Variants in ZNF687 observed in about 807,000 individuals in gnomAD.
ZNF687 encodes the protein zinc finger protein 687.
A neutral mutation model predicts 71.8 loss-of-function variants in ZNF687; 13 were observed. The observed-to-expected ratio is 0.18, with a 90% confidence interval of 0.12 to 0.29. The LOEUF is 0.29. Ranked by LOEUF, ZNF687 falls within the 10% of genes least tolerant of loss-of-function variation. The pLI is 1.00. For missense variants in ZNF687, 1,412 were observed against 1,625.6 expected, an observed-to-expected ratio of 0.87 and a Z score of 2.26; for synonymous variants, 673 against 641.6, an observed-to-expected ratio of 1.05 and a Z score of -0.74.
Position 151,287,049 on chromosome 1 carries a change from C to T in ZNF687, c.758C>T (p.Ser253Leu), listed in dbSNP as rs745647931. Reference protein sequence around the residue: ...PKATDIPASASPPPVAGVPFF... With the variant: ...PKATDIPASALPPPVAGVPFF... ...GCCACGGACATCCCTGCCAGTGCCTCGCCTCCCCCAGTTGCTGGGGTGCCC... is the reference window on the plus strand; with the variant it reads ...GCCACGGACATCCCTGCCAGTGCCTTGCCTCCCCCAGTTGCTGGGGTGCCC... Residue 253 changes from serine (S) to leucine (L), a missense_variant, in exon 2 of 9, where the codon TCG becomes TTG. Coordinates refer to ENST00000336715, the MANE Select transcript of ZNF687 (RefSeq NM_020832.3). This position sits in a 1 kb window ranked among gnomAD's most constrained non-coding sequence, Gnocchi z 5.0. 2.8e-5 allele frequency: 45 copies of T among 1,609,568 alleles called. No individual in the cohort carries two copies. Among genetic ancestry groups the T allele is most frequent in the South Asian group, 2.5e-4 (23 of 90,740 alleles).
rs1256906045 is a variant in ZNF687 at position 151,288,095 on chromosome 1, G to C, written c.1804G>C (p.Val602Leu). The change falls in exon 2 of 9, where the codon GTA becomes CTA. Residue 602 changes from valine to leucine, a missense_variant. Physicochemically the swap from Val to Leu is conservative, Grantham distance 32. Transcript: ENST00000336715. The stretch of plus-strand genomic sequence containing the variant: ...GTGCTCACATTTGGTCATGAGGCCT[G>C]TAGCCCTTGACCAGATGGTGGGGCA... ...MQCSHLVMRP[V>L]ALDQMVGQPD... 4 of 1,613,898 alleles carry C rather than the reference G, an allele frequency of 2.5e-6. No individual in the cohort carries two copies. Among genetic ancestry groups the C allele is most frequent in the African/African-American group, 2.7e-5 (2 of 74,940 alleles).
In ZNF687 at chr1:151,291,744, G is replaced by C. The variant is rs1244922337; in HGVS notation, c.*535G>C. 1 of 153,064 alleles carries C rather than the reference G, an allele frequency of 6.5e-6. No homozygotes were observed. 9.5% of individuals were successfully genotyped at this position (153,064 alleles called of 1,614,324 possible). A position where few individuals can be genotyped will look rare whatever the true frequency, so the allele number is the denominator to read the frequency against. ...TTTCCCCAGAAATCCGGGGCGGGGG[G>C]GTGGGGGGTTGGTAGGGATGAGTCC... On this transcript the variant is annotated 3_prime_UTR_variant, in exon 9 of 9. Transcript: ENST00000336715.
At position 151,282,363 on chromosome 1, in the gene ZNF687, G is replaced by A; in HGVS notation, c.-50G>A. 1 of 992,898 alleles carries A rather than the reference G, an allele frequency of 1.0e-6. No homozygotes were observed. The highest frequency in any genetic ancestry group is 5.9e-5 in the Admixed American group (1 of 17,044). The allele number at this position is 992,898 out of a possible 1,614,324, so 61.5% of individuals were successfully genotyped here. On this transcript the variant is annotated 5_prime_UTR_variant, in exon 1 of 9. Transcript: ENST00000336715. The stretch of plus-strand genomic sequence containing the variant: ...CAGCGGCTGGAGCGGGGTAGAGACC[G>A]CCGGGTCTCGGCCCGCACCAGGAGC...
In ZNF687 at chr1:151,291,450, T is replaced by C. The variant is rs202108686; in HGVS notation, c.*241T>C. ...TCCTCCTTTCTGAGCCCAACACTAA[T>C]TAATTTTATGCTCCTGCTGCAGAAC... is the stretch of plus-strand genomic sequence containing the variant. On this transcript the variant is annotated 3_prime_UTR_variant, in exon 9 of 9. Coordinates refer to ENST00000336715, the MANE Select transcript of ZNF687 (RefSeq NM_020832.3). 17 of 486,422 alleles carry C rather than the reference T, an allele frequency of 3.5e-5. No individual in the cohort carries two copies. The highest frequency in any genetic ancestry group is 3.3e-4 in the East Asian group (9 of 27,166). 30.1% of individuals were successfully genotyped at this position (486,422 alleles called of 1,614,324 possible).
In ZNF687 at chr1:151,284,125, A is replaced by G. The variant is rs954851426; in HGVS notation, c.-18+1730A>G. 5 of 985,192 alleles carry G rather than the reference A, an allele frequency of 5.1e-6. No individual in the cohort carries two copies. The African/African-American group carries it at 7.0e-5, about 14-fold the overall frequency. 61.0% of individuals were successfully genotyped at this position (985,192 alleles called of 1,614,324 possible). Reference sequence around the variant, plus strand: ...GAGGCTAGGTGAAACTTCCTGGGCTACTGTTGCCACAGGAAAATGGAAAGG... The same window carrying G: ...GAGGCTAGGTGAAACTTCCTGGGCTGCTGTTGCCACAGGAAAATGGAAAGG... On this transcript the variant is annotated intron_variant, in intron 1 of 8. Coordinates refer to ENST00000336715, the MANE Select transcript of ZNF687 (RefSeq NM_020832.3).
rs1440477352 is a variant in ZNF687, at chr1:151,288,182, C to T, written c.1891C>T (p.Pro631Ser). ...VPPVSGPLALPALGKGEGAIT... is the reference protein window; with the variant it reads ...VPPVSGPLALSALGKGEGAIT... ...ACCTGTCTCTGGACCTCTGGCCTTG[C>T]CTGCCTTGGGCAAGGGTGAGGGGGC... The change falls in exon 2 of 9, where the codon CCT becomes TCT. Residue 631 changes from proline to serine, a missense_variant. Transcript: ENST00000336715. 1.2e-6 allele frequency: 2 copies of T among 1,613,840 alleles called. No individual in the cohort carries two copies. The highest frequency in any genetic ancestry group is 8.5e-7 in the Non-Finnish European group (1 of 1,179,932).
chr1:151,290,899 A>G lies in ZNF687; in HGVS notation c.3404A>G (p.Gln1135Arg). ...MMGLRVEDGA[Q>R]QCLDCGLCFA... ...GGGTTGAGGGTGGAGGATGGTGCCC[A>G]GCAGTGCCTCGACTGTGGCTTGTGC... Residue 1135 changes from glutamine (Q) to arginine (R), a missense_variant, in exon 9 of 9, where the codon CAG becomes CGG. By Grantham distance (43) the Gln-to-Arg change is conservative. Around this residue, in one of 8 missense-constraint regions of ZNF687, gnomAD observed 284 missense variants for 359.2 expected, o/e 0.79. Transcript: ENST00000336715. 7 of 1,614,104 alleles carry G rather than the reference A, an allele frequency of 4.3e-6. No individual in the cohort carries two copies. Among genetic ancestry groups the G allele is most frequent in the Non-Finnish European group, 5.1e-6 (6 of 1,180,032 alleles).
Position 151,288,608 on chromosome 1 carries a change from C to G in ZNF687, c.2196C>G (p.Pro732=), listed in dbSNP as rs201573792. 45 of 1,614,040 alleles carry G rather than the reference C, an allele frequency of 2.8e-5. 1 individual carries two copies. Among genetic ancestry groups the G allele is most frequent in the Middle Eastern group, 3.3e-4 (2 of 6,084 alleles). The change falls in exon 3 of 9, where the codon CCC becomes CCG. Residue 732 remains proline (P), a synonymous_variant. Coordinates refer to ENST00000336715, the MANE Select transcript of ZNF687 (RefSeq NM_020832.3). Reference sequence around the variant, plus strand: ...AGCGCATGCATAAGAATCGACCCCCCCATGTCTGTCCTGAGTGTGGGGGCA... The same window carrying G: ...AGCGCATGCATAAGAATCGACCCCCGCATGTCTGTCCTGAGTGTGGGGGCA... ...AHQRMHKNRP[P]HVCPECGGNF...
At position 151,288,691 on chromosome 1, in the gene ZNF687, G is replaced by A. The variant is rs761369426; in HGVS notation, c.2279G>A (p.Arg760His). Residue 760 changes from arginine (R) to histidine (H), a missense_variant, in exon 3 of 9, where the codon CGC (arginine) becomes CAC (histidine). This residue lies in a region of ZNF687 where 207 missense variants were observed against 239.2 expected (regional missense o/e 0.87). Transcript: ENST00000336715. ...CGGGAGGCCTGTCTGCACGTCTCTC[G>A]CCGTGTAGGATACAGGTGCCTCGGA... ...HLREACLHVS[R>H]RVGYRCPSCS... 13 of 1,612,854 alleles carry A rather than the reference G, an allele frequency of 8.1e-6. No homozygotes were observed. Among genetic ancestry groups the A allele is most frequent in the South Asian group, 1.1e-5 (1 of 90,886 alleles).
rs371171135 is a variant in ZNF687, at chr1:151,287,765, C to T, written c.1474C>T (p.Arg492Trp). The change falls in exon 2 of 9, where the codon CGG (arginine) becomes TGG (tryptophan). Residue 492 changes from arginine (R) to tryptophan (W), a missense_variant. This residue lies in a region of ZNF687 where 133 missense variants were observed against 155.1 expected (regional missense o/e 0.86). Coordinates refer to ENST00000336715, the MANE Select transcript of ZNF687 (RefSeq NM_020832.3). The surrounding 1 kb of genome is among the most constrained non-coding windows in gnomAD (Gnocchi z 5.0). The stretch of plus-strand genomic sequence containing the variant: ...TACAGGGGGCGGCACAGTGATATCA[C>T]GGACCCAGTCCAGCCTGGTGGAGGC... ...PSTGGGTVISRTQSSLVEAFN... is the reference protein window; with the variant it reads ...PSTGGGTVISWTQSSLVEAFN... 1.9e-5 allele frequency: 30 copies of T among 1,613,996 alleles called. No homozygotes were observed. Among genetic ancestry groups the T allele is most frequent in the Non-Finnish European group, 2.3e-5 (27 of 1,180,030 alleles).
chr1:151,291,650 CCGCCCCCGCCCA>C lies in ZNF687; in HGVS notation c.*442_*453del, dbSNP rs1426206954. On this transcript the variant is annotated 3_prime_UTR_variant, in exon 9 of 9. Coordinates refer to ENST00000336715, the MANE Select transcript of ZNF687 (RefSeq NM_020832.3). ...CCTGCCCTAGTGCCCACCCCCGCCCCCGCCCCCGCCCAACCCCAACTCACTGGCACTCAAGCC... is the reference window on the plus strand; with the variant it reads ...CCTGCCCTAGTGCCCACCCCCGCCCCACCCCAACTCACTGGCACTCAAGCC... The C allele has an allele frequency of 2.5e-4, 39 of 154,866 alleles. No individual in the cohort carries two copies. Among genetic ancestry groups the C allele is most frequent in the Admixed American group, 2.1e-3 (33 of 15,678 alleles). The allele number at this position is 154,866 out of a possible 1,614,324, so 9.6% of individuals were successfully genotyped here.
intron 1 of ZNF687, chr1:151,284,040 G>C (rs587713383): frequency 3.0e-6 from 3 of 985,442 alleles, no homozygotes; most frequent in South Asian, 4.7e-5. Flanking sequence ...CTGCTTGTTG[G>C]ATTAGTGCCA....
In ZNF687 at chr1:151,287,984, C is replaced by A; in HGVS notation, c.1693C>A (p.His565Asn). ...RSMRIEVTCN[H>N]CARRLVFFNK... ...CATGCGCATCGAGGTCACCTGCAAC[C>A]ACTGCGCCCGCCGCCTGGTCTTCTT... The change falls in exon 2 of 9, where the codon CAC becomes AAC. Residue 565 changes from histidine (H) to asparagine (N), a missense_variant. By Grantham distance (68) the His-to-Asn change is moderately conservative (BLOSUM62 1). This residue lies in a region of ZNF687 where 50 missense variants were observed against 106.6 expected (regional missense o/e 0.47). Transcript: ENST00000336715. The surrounding 1 kb of genome is among the most constrained non-coding windows in gnomAD (Gnocchi z 5.0). 6.2e-7 allele frequency: 1 copy of A among 1,613,944 alleles called. No homozygotes were observed. Among genetic ancestry groups the A allele is most frequent in the Non-Finnish European group, 8.5e-7 (1 of 1,180,018 alleles).
chr1:151,283,270 G>A (rs1040332276), intron 1 of ZNF687: 4 of 985,430 alleles, frequency 4.1e-6, no homozygotes, highest in Middle Eastern at 5.2e-4. Flanking sequence ...CCTAATCGCC[G>A]CCAGCCCCTC....
chr1:151,291,571 C>G lies in ZNF687; in HGVS notation c.*362C>G, dbSNP rs187358374. On this transcript the variant is annotated 3_prime_UTR_variant, in exon 9 of 9. Coordinates refer to ENST00000336715, the MANE Select transcript of ZNF687 (RefSeq NM_020832.3). ...GATGGGGGTGTCATGGATGGACACA[C>G]CTCTCCACAATTCCTTCAGGCATGG... 1.3e-4 allele frequency: 26 copies of G among 197,544 alleles called. No homozygotes were observed. Among genetic ancestry groups the G allele is most frequent in the African/African-American group, 5.9e-4 (25 of 42,694 alleles). 12.2% of individuals were successfully genotyped at this position (197,544 alleles called of 1,614,324 possible).
rs1557769283 is a variant in ZNF687 at position 151,287,073 on chromosome 1, C to T, written c.782C>T (p.Pro261Leu). Residue 261 changes from proline to leucine, a missense_variant, in exon 2 of 9, where the codon CCC becomes CTC. By Grantham distance (98) the Pro-to-Leu change is moderately conservative. Around this residue, in one of 8 missense-constraint regions of ZNF687, gnomAD observed 490 missense variants for 489.9 expected, o/e 1.00. Transcript: ENST00000336715. The surrounding 1 kb of genome is among the most constrained non-coding windows in gnomAD (Gnocchi z 5.0). ...TCGCCTCCCCCAGTTGCTGGGGTGC[C>T]CTTCTTCAAGCAGTCTCCAGGGCAC... ...SASPPPVAGV[P>L]FFKQSPGHQS... is the part of the protein sequence containing the mutation. 2 of 1,613,124 alleles carry T rather than the reference C, an allele frequency of 1.2e-6. No individual in the cohort carries two copies. Among genetic ancestry groups the T allele is most frequent in the Non-Finnish European group, 1.7e-6 (2 of 1,179,174 alleles).
chr1:151,288,653 T>C lies in ZNF687; in HGVS notation c.2241T>C (p.Phe747=). The C allele has an allele frequency of 6.2e-7, 1 of 1,614,110 alleles. No individual in the cohort carries two copies. Among genetic ancestry groups the C allele is most frequent in the Non-Finnish European group, 8.5e-7 (1 of 1,179,990 alleles). ...GGGGCAACTTCCTGCAAGCCAATTT[T>C]CAGACCCATCTCCGGGAGGCCTGTC... ...ECGGNFLQAN[F]QTHLREACLH... Residue 747 remains phenylalanine, a synonymous_variant, in exon 3 of 9, where the codon TTT becomes TTC. Transcript: ENST00000336715.
At chr1:151,281,618 G>A (rs1458686644), upstream of ZNF687, 1 of 471,022 alleles carries the variant, frequency 2.1e-6, no homozygotes, top group East Asian at 6.9e-5. Context: ...GGAGCGACGG[G>A]TTACGCTGTC....
Position 151,282,465 on chromosome 1 carries a change from C to A in ZNF687, c.-18+70C>A, listed in dbSNP as rs12742708. ...TGGGGGGGGCGGGTAAATACCCCCG[C>A]CCCTCCCCCACTTGGTCAACTACCC... is the stretch of plus-strand genomic sequence containing the variant. On this transcript the variant is annotated intron_variant, in intron 1 of 8. Transcript: ENST00000336715. The A allele has an allele frequency of 4.2e-6, 4 of 963,624 alleles. No homozygotes were observed. The Admixed American group carries it at 1.8e-4, about 44-fold the overall frequency. The allele number at this position is 963,624 out of a possible 1,614,324, so 59.7% of individuals were successfully genotyped here.
Sources: allele counts gnomAD v4.1 joint callset, GRCh38; gene constraint gnomAD v4.1.1; regional missense constraint gnomAD v4.1.1; non-coding constraint Gnocchi (gnomAD v3.1); transcripts MANE v1.5; gene names NCBI Gene and HGNC (gene_info 2026-07-23, HGNC 2026-07-21).